Variants in APOOL observed in about 807,000 individuals in gnomAD.
The protein encoded by APOOL is apolipoprotein O like.
In APOOL, 12 loss-of-function variants were observed where a neutral mutation model predicts 23.1. The ratio of observed to expected loss-of-function variants is 0.52; its 90% CI spans 0.33 to 0.84. The LOEUF is 0.84. Ranked by LOEUF, APOOL falls within the 40% of genes least tolerant of loss-of-function variation. The pLI is 0.02. For missense variants in APOOL, 212 were observed against 199.6 expected (o/e 1.06, Z -0.37); for synonymous variants, 77 against 69.9 (o/e 1.10, Z -0.51).
intron 1 of APOOL, among the ~76,000 whole-genome samples, chrX:85,033,249 A>T (rs1922104241): frequency 8.9e-6 from 1 of 112,183 alleles, no homozygotes; most frequent in Non-Finnish European, 1.9e-5. Context: ...TCTGGTGCAT[A>T]GTAGGCGTTC....
chrX:85,069,553 T>C (rs1011565938), intron 6 of APOOL, among the ~76,000 whole-genome samples: 13 of 93,352 alleles, frequency 1.4e-4, no homozygotes, highest in African/African-American at 5.5e-4. Context: ...GAGATTGCAG[T>C]GAGCCGAGAT....
At chrX:85,033,634 T>C (rs1295572572) in intron 1 of APOOL, among the ~76,000 whole-genome samples, 1 of 111,956 alleles carries the variant, frequency 8.9e-6, no homozygotes, top group African/African-American at 3.2e-5. Context: ...ACCCACTATA[T>C]TGGATTATTG....
At chrX:85,012,397 G>A (rs1264895062) in intron 1 of APOOL, among the ~76,000 whole-genome samples, 1 of 111,480 alleles carries the variant, frequency 9.0e-6, no homozygotes, top group African/African-American at 3.3e-5. Context: ...TAGAAGTGGT[G>A]ACAGTGGTTA....
rs1207483266 is a variant in APOOL at position 85,051,503 on chromosome X, T to C, written c.235T>C (p.Cys79Arg). The change falls in exon 3 of 9, where the codon TGC (cysteine) becomes CGC (arginine). Residue 79 changes from cysteine to arginine, a missense_variant. Cys to Arg is a radical substitution (Grantham distance 180). Transcript: ENST00000373173. ...TGCAACTGGTTGTTACATTGGCTGG[T>C]GCAAGGTAAGTCAATTCTGATAGTG... The part of the protein sequence containing the change: ...RTATGCYIGW[C>R]KGVYVFVKNG... 6.6e-6 allele frequency: 8 copies of C among 1,211,383 alleles called. No individual in the cohort carries two copies. Among genetic ancestry groups the C allele is most frequent in the Non-Finnish European group, 7.8e-6 (7 of 895,154 alleles).
chrX:85,015,081 G>C (rs1921420795), intron 1 of APOOL, among the ~76,000 whole-genome samples: 1 of 110,621 alleles, frequency 9.0e-6, no homozygotes, highest in Admixed American at 9.6e-5. Flanking sequence ...TTCGAGCTCT[G>C]AAATTCTTTC....
chrX:85,046,357 G>A, intron 1 of APOOL, 89 bp from the exon 2 acceptor site: 1 of 723,943 alleles, frequency 1.4e-6, no homozygotes, highest in Non-Finnish European at 2.0e-6. Context: ...GAAACCAATA[G>A]ATTTCCTGAG....
intron 5 of APOOL, among the ~76,000 whole-genome samples, chrX:85,062,957 A>T (rs1209619385): frequency 8.9e-6 from 1 of 111,898 alleles, no homozygotes; most frequent in African/African-American, 3.2e-5. Context: ...ATTGGGCAAC[A>T]TGGCCATTTT....
chrX:85,069,610 TAAAAAA>T (rs774325087), intron 6 of APOOL, among the ~76,000 whole-genome samples: 2 of 40,972 alleles, frequency 4.9e-5, no homozygotes, highest in African/African-American at 1.0e-4. Context: ...ACGCCATCTC[TAAAAAA>T]AAAAAAAAAA....
chrX:85,073,812 T>A (rs2147661744), intron 6 of APOOL, among the ~76,000 whole-genome samples, 186 bp from the exon 7 acceptor site: 1 of 111,726 alleles, frequency 9.0e-6, no homozygotes, highest in Admixed American at 9.6e-5. Context: ...TTATAACCTT[T>A]GCATGACACA....
intron 1 of APOOL, among the ~76,000 whole-genome samples, chrX:85,008,029 A>C (rs1021233742): frequency 8.9e-5 from 10 of 111,754 alleles, no homozygotes; most frequent in African/African-American, 3.3e-4. Context: ...TTAGCTATTA[A>C]GACGTTCTAG....
At chrX:85,021,199 C>T (rs1921652502) in intron 1 of APOOL, among the ~76,000 whole-genome samples, 1 of 109,080 alleles carries the variant, frequency 9.2e-6, no homozygotes. Flanking sequence ...GTGGATTGAC[C>T]TCAATGGACC....
At chrX:85,005,455 G>A (rs1430840268) in intron 1 of APOOL, among the ~76,000 whole-genome samples, 4 of 7,268 alleles carry the variant, frequency 5.5e-4, no homozygotes, top group African/African-American at 2.3e-3. Flanking sequence ...CACCACGCCC[G>A]GTCCTCGCCA....
At chrX:85,024,477 C>T (rs1921772336) in intron 1 of APOOL, among the ~76,000 whole-genome samples, 3 of 112,171 alleles carry the variant, frequency 2.7e-5, no homozygotes, top group Admixed American at 1.9e-4. Context: ...TTTTTGATAA[C>T]AATCCGGAGC....
chrX:85,017,027 CT>C (rs1230611057), intron 1 of APOOL, among the ~76,000 whole-genome samples: 3 of 112,218 alleles, frequency 2.7e-5, no homozygotes, highest in East Asian at 2.8e-4. Flanking sequence ...AGGAAGTATT[CT>C]GTTTTCTCAG....
intron 8 of APOOL, among the ~76,000 whole-genome samples, chrX:85,079,248 A>G (rs1923986549): frequency 9.0e-6 from 1 of 111,533 alleles, no homozygotes; most frequent in Non-Finnish European, 1.9e-5. Context: ...AGCTTTTATT[A>G]TATTTAGATA....
chrX:85,047,993 G>A (rs1922632294), intron 2 of APOOL, among the ~76,000 whole-genome samples: 1 of 111,224 alleles, frequency 9.0e-6, no homozygotes, highest in Non-Finnish European at 1.9e-5. Flanking sequence ...TCCAGCTATT[G>A]CTATTGTAAT....
chrX:85,092,377 T>C lies in APOOL; in HGVS notation c.*4699T>C. ...TTGGAGGCTGTGTTGGGATGAGTTGTTACAAAGCCTCTTTCATTCTTCCCA... is the reference window on the plus strand; with the variant it reads ...TTGGAGGCTGTGTTGGGATGAGTTGCTACAAAGCCTCTTTCATTCTTCCCA... On this transcript the variant is annotated 3_prime_UTR_variant, in exon 9 of 9. Coordinates refer to ENST00000373173, the MANE Select transcript of APOOL (RefSeq NM_198450.6). 29 of 1,158,670 alleles carry C rather than the reference T, an allele frequency of 2.5e-5. No individual in the cohort carries two copies. The highest frequency in any genetic ancestry group is 3.1e-5 in the Non-Finnish European group (27 of 869,464).
chrX:85,022,185 C>T (rs1400204268), intron 1 of APOOL, among the ~76,000 whole-genome samples: 1 of 112,303 alleles, frequency 8.9e-6, no homozygotes, highest in Non-Finnish European at 1.9e-5. Context: ...ACCAGTTCTT[C>T]TCAAACTCTT....
chrX:85,081,521 A>C (rs755089745), intron 8 of APOOL: 2 of 115,535 alleles, frequency 1.7e-5, no homozygotes, highest in Admixed American at 1.9e-4. Context: ...TGCCCTTAAC[A>C]TTTTTTCCTT....
Sources: allele counts gnomAD v4.1 joint callset (sites outside exome capture counted in the v4.1 genomes callset), GRCh38; gene constraint gnomAD v4.1.1; transcripts MANE v1.5; gene names NCBI Gene and HGNC (gene_info 2026-07-23, HGNC 2026-07-21).